The following DENND4A variants were observed in gnomAD, a reference collection of about 807,000 sequenced individuals.
The protein encoded by DENND4A is C-myc promoter-binding protein.
Under a neutral mutation model 199.3 loss-of-function variants are expected in DENND4A, and 70 were observed. That is an observed-to-expected ratio of 0.35 (90% CI 0.29 to 0.43). DENND4A has a LOEUF of 0.43. Ranked by LOEUF, DENND4A falls within the 20% of genes least tolerant of loss-of-function variation. DENND4A has a pLI of 1.00. For missense variants in DENND4A, 1,723 were observed against 2,255.8 expected, an observed-to-expected ratio of 0.76 and a Z score of 4.78; for synonymous variants, 686 against 766.9, an observed-to-expected ratio of 0.89 and a Z score of 1.74.
At chr15:65,759,502 A>G (rs537214532) in intron 2 of DENND4A, among the ~76,000 whole-genome samples, 1 of 152,236 alleles carries the variant, frequency 6.6e-6, no homozygotes, top group South Asian at 2.1e-4. Flanking sequence ...AAAAAATGGG[A>G]CTAAAGAAGA....
chr15:65,714,216 C>G (rs1427756463), intron 14 of DENND4A, among the ~76,000 whole-genome samples: 1 of 151,950 alleles, frequency 6.6e-6, no homozygotes, highest in South Asian at 2.1e-4. Context: ...TCAAGACCAT[C>G]CTGGCTAACA....
intron 1 of DENND4A, among the ~76,000 whole-genome samples, chr15:65,772,982 C>T (rs1310734084): frequency 1.0e-5 from 1 of 97,590 alleles, no homozygotes; most frequent in Admixed American, 1.5e-4. Context: ...CATGGGAAAT[C>T]AATTTCTATT....
intron 1 of DENND4A, among the ~76,000 whole-genome samples, chr15:65,776,986 G>A (rs569325105): frequency 1.8e-4 from 28 of 152,082 alleles, no homozygotes; most frequent in Non-Finnish European, 3.5e-4. Flanking sequence ...TGGACAACAC[G>A]GTGAAACCCC....
chr15:65,726,945 G>A (rs773888644), intron 11 of DENND4A, among the ~76,000 whole-genome samples: 13 of 151,950 alleles, frequency 8.6e-5, no homozygotes, highest in South Asian at 2.1e-4. Flanking sequence ...GCAACAGAAC[G>A]AGACATTGTC....
At chr15:65,761,837 A>G (rs1343386925) in intron 1 of DENND4A, among the ~76,000 whole-genome samples, 1 of 152,176 alleles carries the variant, frequency 6.6e-6, no homozygotes, top group African/African-American at 2.4e-5. Flanking sequence ...TACATTTAAC[A>G]TAATTCAAAT....
intron 9 of DENND4A, 34 bp downstream of exon 9, chr15:65,731,606 TGA>T (rs2075961338): frequency 7.0e-7 from 1 of 1,432,956 alleles, no homozygotes; most frequent in Non-Finnish European, 9.5e-7. Context: ...TATGCTAGAT[TGA>T]GAGAAAAATA....
intron 11 of DENND4A, chr15:65,728,869 C>A: frequency 1.6e-6 from 1 of 611,592 alleles, no homozygotes; most frequent in South Asian, 1.8e-5. Flanking sequence ...AGGTATAGTC[C>A]TTCCAACAAA....
At chr15:65,685,736 A>G (rs954215536) in intron 23 of DENND4A, among the ~76,000 whole-genome samples, 1 of 152,212 alleles carries the variant, frequency 6.6e-6, no homozygotes, top group Non-Finnish European at 1.5e-5. Flanking sequence ...GTCTGACTGT[A>G]TTTGCATGCA....
chr15:65,719,131 A>T (rs1213428147), intron 12 of DENND4A: 1 of 151,666 alleles, frequency 6.6e-6, no homozygotes, highest in Non-Finnish European at 1.5e-5. Context: ...CCATATGAAT[A>T]TATATAAAAC....
intron 2 of DENND4A, among the ~76,000 whole-genome samples, chr15:65,760,811 C>T (rs986512607): frequency 3.3e-5 from 5 of 151,494 alleles, no homozygotes; most frequent in African/African-American, 7.3e-5. Context: ...ATCACCTGAA[C>T]GCTGTAGGCA....
chr15:65,693,389 C>G (rs2077040049), intron 22 of DENND4A, among the ~76,000 whole-genome samples: 1 of 152,064 alleles, frequency 6.6e-6, no homozygotes, highest in Non-Finnish European at 1.5e-5. Context: ...TGGCAAAGCC[C>G]CTGAGCCAAC....
intron 6 of DENND4A, among the ~76,000 whole-genome samples, chr15:65,738,298 C>T (rs1023814510): frequency 6.6e-6 from 1 of 151,910 alleles, no homozygotes; most frequent in African/African-American, 2.4e-5. Context: ...CAACTTTGGG[C>T]AATTCATTGA....
In DENND4A at chr15:65,659,834, A is replaced by G. The variant is rs1238689847; in HGVS notation, c.*2017T>C. 6.5e-6 allele frequency: 1 copy of G among 153,288 alleles called. No homozygotes were observed. Among genetic ancestry groups the G allele is most frequent in the East Asian group, 1.9e-4 (1 of 5,212 alleles). 9.5% of individuals were successfully genotyped at this position (153,288 alleles called of 1,614,324 possible). A position where few individuals can be genotyped will look rare whatever the true frequency, so the allele number is the denominator to read the frequency against. ...GTAAAAATTACATTCGCTTTTCCAA[A>G]TGAGTCTGAATCGTAAAACCATAAA... On this transcript the variant is annotated 3_prime_UTR_variant, in exon 33 of 33. Coordinates refer to ENST00000443035, the MANE Select transcript of DENND4A (RefSeq NM_001320835.1).
intron 1 of DENND4A, among the ~76,000 whole-genome samples, chr15:65,774,884 T>TC (rs2077238151): frequency 6.7e-6 from 1 of 149,718 alleles, no homozygotes; most frequent in Non-Finnish European, 1.5e-5. Context: ...TTTTTTTTTT[T>TC]TTTGAGAGAC....
At chr15:65,696,344 A>G (rs776379388) in intron 22 of DENND4A, 22 bp downstream of exon 22, 3 of 1,606,188 alleles carry the variant, frequency 1.9e-6, no homozygotes, top group Non-Finnish European at 1.7e-6. Context: ...CGCACATAAC[A>G]CAAGCGTACT....
At position 65,729,707 on chromosome 15, in the gene DENND4A, A is replaced by G. The variant is rs375669333; in HGVS notation, c.1167-29T>C. ...TCAATCCAAACAAAAATATATAATT[A>G]AAAAATAATGATCCAAACACCTCAT... is the stretch of plus-strand genomic sequence containing the variant. On this transcript the variant is annotated intron_variant, in intron 9 of 32. Coordinates refer to ENST00000443035, the MANE Select transcript of DENND4A (RefSeq NM_001320835.1). The G allele has an allele frequency of 5.8e-5, 89 of 1,534,044 alleles. 1 individual carries two copies. In the African/African-American group the frequency reaches 1.1e-3, roughly 19 times the overall value.
chr15:65,700,481 T>C (rs1302989588), intron 20 of DENND4A, 63 bp downstream of exon 20: 3 of 1,101,236 alleles, frequency 2.7e-6, no homozygotes, highest in East Asian at 6.5e-5. Context: ...TAAAAAAACA[T>C]AGGCTAGCAA....
chr15:65,776,775 T>C (rs954126031), intron 1 of DENND4A, among the ~76,000 whole-genome samples: 3 of 152,204 alleles, frequency 2.0e-5, no homozygotes. Flanking sequence ...TTAGAAGACA[T>C]GTCCATCCAC....
intron 23 of DENND4A, among the ~76,000 whole-genome samples, chr15:65,684,818 A>ATTTTTTT (rs541989496): frequency 5.7e-5 from 6 of 104,958 alleles, no homozygotes; most frequent in Non-Finnish European, 7.8e-5. Context: ...TTTTCTTCCA[A>ATTTTTTT]TTTTTTTTTT....
Sources: allele counts gnomAD v4.1 joint callset (sites outside exome capture counted in the v4.1 genomes callset), GRCh38; gene constraint gnomAD v4.1.1; transcripts MANE v1.5; gene names NCBI Gene and HGNC (gene_info 2026-07-23, HGNC 2026-07-21).